CRACD: variants seen among roughly 807,000 people sequenced by gnomAD.
CRACD encodes capping protein-inhibiting regulator of actin dynamics.
A neutral mutation model predicts 106.8 loss-of-function variants in CRACD; 56 were observed. The observed-to-expected ratio is 0.52, with a 90% CI of 0.42 to 0.66. The LOEUF is 0.66. Ranked by LOEUF, CRACD falls within the 30% of genes least tolerant of loss-of-function variation. The pLI is 0.00. For synonymous variants in CRACD, 754 were observed against 670.8 expected (o/e 1.12, Z -1.92); for missense variants, 1,730 against 1,623.2 (o/e 1.07, Z -1.13).
intron 1 of CRACD, among the ~76,000 whole-genome samples, chr4:56,070,510 A>G (rs986556934): frequency 1.3e-5 from 2 of 151,970 alleles, no homozygotes; most frequent in African/African-American, 4.8e-5. Context: ...CGTAGTCTCA[A>G]TCTCCTGACC....
intron 1 of CRACD, among the ~76,000 whole-genome samples, chr4:56,084,575 G>A (rs1237619310): frequency 6.6e-6 from 1 of 151,898 alleles, no homozygotes; most frequent in Non-Finnish European, 1.5e-5. Flanking sequence ...GTTACAGTTG[G>A]GGTCAGTGCC....
rs1731775191 is a variant in CRACD, at chr4:56,049,140, C to CGCG, written c.-495_-494insGCG. On this transcript the variant is annotated 5_prime_UTR_variant, in exon 1 of 11. Transcript: ENST00000682029. ...CGGCAGTGGGGAGAGCAATGGAGGCCACGGCCGACTGAGAGGCGGGTGCGC... is the reference window on the plus strand; with the variant it reads ...CGGCAGTGGGGAGAGCAATGGAGGCCGCGACGGCCGACTGAGAGGCGGGTGCGC... 1 of 149,884 alleles carries CGCG rather than the reference C, an allele frequency of 6.7e-6. No homozygotes were observed. The highest frequency in any genetic ancestry group is 2.4e-5 in the African/African-American group (1 of 41,200). 9.3% of individuals were successfully genotyped at this position (149,884 alleles called of 1,614,324 possible).
At chr4:56,110,487 T>C (rs1465369347) in intron 1 of CRACD, among the ~76,000 whole-genome samples, 1 of 152,200 alleles carries the variant, frequency 6.6e-6, no homozygotes, top group African/African-American at 2.4e-5. Context: ...ATGATAGCTT[T>C]GCAGTAGGCT....
rs554657196 is a variant in CRACD at position 56,165,024 on chromosome 4, C to G, written c.-335-14260C>G. ...AAACAACTTGGGCAGTTGGAATGTC[C>G]TGACCCAGATGGCAGTTTCTGGCCA... On this transcript the variant is annotated intron_variant, in intron 1 of 10. Coordinates refer to ENST00000682029, the MANE Select transcript of CRACD (RefSeq NM_001393381.1). Among the ~76,000 whole-genome samples, 85 of 152,296 alleles carry G rather than the reference C, an allele frequency of 5.6e-4. 1 individual carries two copies. The highest frequency in any genetic ancestry group is 2.8e-3 in the Admixed American group (43 of 15,296).
intron 6 of CRACD, 89 bp from the exon 7 acceptor site, chr4:56,313,108 C>T (rs938166542): frequency 1.2e-5 from 14 of 1,184,606 alleles, no homozygotes; most frequent in African/African-American, 9.0e-5. Flanking sequence ...CTGGGCGAGG[C>T]GCACACTGGA....
intron 1 of CRACD, among the ~76,000 whole-genome samples, chr4:56,062,005 A>G (rs977338754): frequency 2.1e-4 from 32 of 152,354 alleles, no homozygotes; most frequent in African/African-American, 7.7e-4. Flanking sequence ...GTACAGCATC[A>G]TCTCATTTTA....
In CRACD at chr4:56,197,231, C is replaced by T. The variant is rs145987784; in HGVS notation, c.-189+17801C>T. 2.6e-3 allele frequency among the ~76,000 whole-genome samples: 396 copies of T among 151,090 alleles called. 1 individual carries two copies. Among genetic ancestry groups the T allele is most frequent in the Admixed American group, 5.1e-3 (77 of 15,174 alleles). On this transcript the variant is annotated intron_variant, in intron 2 of 10. Coordinates refer to ENST00000682029, the MANE Select transcript of CRACD (RefSeq NM_001393381.1). ...TTCCAGTAACTTACAGGGAAACTGT[C>T]GATGATTGGATTTATCACACTTTCT...
intron 1 of CRACD, among the ~76,000 whole-genome samples, chr4:56,112,579 C>A (rs1323377609): frequency 1.3e-5 from 2 of 152,122 alleles, no homozygotes; most frequent in Non-Finnish European, 2.9e-5. Flanking sequence ...CAAAGAACAC[C>A]ATTCAGTTCA....
chr4:56,168,868 A>G (rs1010385647), intron 1 of CRACD, among the ~76,000 whole-genome samples: 1 of 152,134 alleles, frequency 6.6e-6, no homozygotes, highest in African/African-American at 2.4e-5. Flanking sequence ...CTGTGATACT[A>G]TGGATGAGTA....
intron 4 of CRACD, among the ~76,000 whole-genome samples, chr4:56,306,084 G>T (rs932566875): frequency 2.6e-5 from 4 of 152,144 alleles, no homozygotes; most frequent in African/African-American, 9.7e-5. Context: ...CCGTAAGCTT[G>T]GGCCAGTCAC....
chr4:56,051,682 A>G (rs185345847), intron 1 of CRACD, among the ~76,000 whole-genome samples: 1 of 152,212 alleles, frequency 6.6e-6, no homozygotes, highest in African/African-American at 2.4e-5. Flanking sequence ...GATACACTGT[A>G]CCCCCAGAAA....
intron 4 of CRACD, among the ~76,000 whole-genome samples, chr4:56,302,308 C>T (rs764992448): frequency 2.5e-4 from 38 of 152,196 alleles, no homozygotes; most frequent in Non-Finnish European, 7.3e-5. Flanking sequence ...GGGAGGGTGC[C>T]TGTTTGTGTA....
chr4:56,280,175 G>A (rs1307312222), intron 3 of CRACD, among the ~76,000 whole-genome samples: 3 of 150,820 alleles, frequency 2.0e-5, no homozygotes, highest in Non-Finnish European at 4.4e-5. Flanking sequence ...GATAGCATTA[G>A]GACATATACC....
intron 1 of CRACD, among the ~76,000 whole-genome samples, chr4:56,086,683 T>C (rs1428340185): frequency 6.6e-6 from 1 of 152,152 alleles, no homozygotes; most frequent in Non-Finnish European, 1.5e-5. Flanking sequence ...AGTCAGGAAG[T>C]GTCCAGGTGC....
chr4:56,118,402 T>C (rs1734368953), intron 1 of CRACD, among the ~76,000 whole-genome samples: 1 of 152,178 alleles, frequency 6.6e-6, no homozygotes, highest in Non-Finnish European at 1.5e-5. Flanking sequence ...ATTTCAATAA[T>C]CCTACAAATC....
Position 56,303,358 on chromosome 4 carries a change from A to C in CRACD, c.121-4177A>C, listed in dbSNP as rs535210039. On this transcript the variant is annotated intron_variant, in intron 4 of 10. Coordinates refer to ENST00000682029, the MANE Select transcript of CRACD (RefSeq NM_001393381.1). ...GAGACTCCTTTGTAGGAAAAAAAAA[A>C]AAAAAGAAAGAAGGAACCTAGGGAT... Among the ~76,000 whole-genome samples the C allele has an allele frequency of 1.3e-3, 191 of 152,196 alleles. 1 individual carries two copies. The highest frequency in any genetic ancestry group is 4.6e-3 in the African/African-American group (189 of 41,532).
chr4:56,241,807 G>A (rs1740383368), intron 2 of CRACD, among the ~76,000 whole-genome samples: 1 of 152,190 alleles, frequency 6.6e-6, no homozygotes, highest in African/African-American at 2.4e-5. Flanking sequence ...GACAGCACCT[G>A]AAATGAGTTT....
At chr4:56,298,167 A>G in intron 3 of CRACD, 47 bp from the exon 4 acceptor site, 1 of 1,584,958 alleles carries the variant, frequency 6.3e-7, no homozygotes, top group South Asian at 1.2e-5. Context: ...TGAATTGCCA[A>G]AAGAAATTTT....
At chr4:56,060,125 A>T (rs548212761) in intron 1 of CRACD, among the ~76,000 whole-genome samples, 1 of 152,306 alleles carries the variant, frequency 6.6e-6, no homozygotes, top group South Asian at 2.1e-4. Flanking sequence ...TTCTAGCAGT[A>T]TCAGATTTTG....
Sources: gnomAD v4.1 joint callset for allele counts (sites outside exome capture counted in the v4.1 genomes callset) on GRCh38, gnomAD v4.1.1 for gene constraint, MANE v1.5 for transcripts, NCBI Gene and HGNC (gene_info 2026-07-23, HGNC 2026-07-21) for gene names.